DAB1: variants seen among roughly 807,000 people sequenced by gnomAD.
The protein encoded by DAB1 is disabled homolog 1.
In DAB1, 15 loss-of-function variants were observed where a neutral mutation model predicts 64.6. The observed-to-expected ratio is 0.23, with a 90% CI of 0.16 to 0.36. The LOEUF (loss-of-function observed/expected upper bound fraction) is 0.36, where lower values mean the gene tolerates loss of function less well. Among genes scored for constraint, DAB1 ranks in the 10% least tolerant of loss-of-function variants. The pLI is 1.00. For synonymous variants in DAB1, 235 were observed against 251.9 expected, an observed-to-expected ratio of 0.93 and a Z score of 0.64; for missense variants, 596 against 706.7, an observed-to-expected ratio of 0.84 and a Z score of 1.78.
intron 3 of DAB1, among the ~76,000 whole-genome samples, chr1:57,144,833 A>G (rs1213886398): frequency 6.6e-6 from 1 of 152,184 alleles, no homozygotes; most frequent in African/African-American, 2.4e-5. Flanking sequence ...CTTTAAGGAT[A>G]TTATCTTAAA....
chr1:58,446,698 C>A (rs1437975466), intron 3 of DAB1, among the ~76,000 whole-genome samples: 1 of 152,204 alleles, frequency 6.6e-6, no homozygotes, highest in African/African-American at 2.4e-5. Context: ...GCTGTCAACT[C>A]CATTTCCTTT....
At chr1:58,356,111 A>G (rs1317579360) in intron 3 of DAB1, among the ~76,000 whole-genome samples, 3 of 152,158 alleles carry the variant, frequency 2.0e-5, no homozygotes, top group East Asian at 3.9e-4. Flanking sequence ...ATGAGAGAGA[A>G]CCAGGATGAT....
chr1:58,059,439 C>G (rs960682292), intron 5 of DAB1, among the ~76,000 whole-genome samples: 70 of 152,246 alleles, frequency 4.6e-4, no homozygotes, highest in African/African-American at 1.7e-3. Context: ...CACACAGTAA[C>G]AACTCAATAA....
In DAB1 at chr1:57,877,724, C is replaced by A. The variant is rs7529119; in HGVS notation, n.87+6275G>T. On this transcript the variant is annotated intron_variant and non_coding_transcript_variant, in intron 1 of 1. Coordinates refer to the DAB1 transcript ENST00000477280. The stretch of plus-strand genomic sequence containing the variant: ...TACAGGCGCCCACCACCGCGCCCGG[C>A]TAATTTTTTTTTTGTATTTTTAGTA... 2.4e-5 allele frequency among the ~76,000 whole-genome samples: 2 copies of A among 82,290 alleles called. 1 individual carries two copies. The highest frequency in any genetic ancestry group is 6.6e-4 in the East Asian group (2 of 3,044). The allele number at this position is 82,290 out of a possible 152,430, so 54.0% of individuals were successfully genotyped here.
chr1:58,434,283 G>A lies in DAB1; in HGVS notation n.257+71777C>T, dbSNP rs368810919. On this transcript the variant is annotated intron_variant and non_coding_transcript_variant, in intron 3 of 20. Transcript: ENST00000485760. ...TCCAAGCAAGAATAGCAAGGATGAT[G>A]CCTGAGACTACAGTAATAGTAGAGA... Among the ~76,000 whole-genome samples, 22 of 152,140 alleles carry A rather than the reference G, an allele frequency of 1.4e-4. 1 individual carries two copies. Among genetic ancestry groups the A allele is most frequent in the East Asian group, 7.7e-4 (4 of 5,188 alleles).
intron 6 of DAB1, among the ~76,000 whole-genome samples, chr1:57,757,302 G>A (rs774112270): frequency 2.0e-5 from 3 of 148,508 alleles, no homozygotes; most frequent in Non-Finnish European, 4.4e-5. Flanking sequence ...ACTTATTAAC[G>A]GTGTGACTTT....
chr1:58,032,256 G>C (rs1312953699), intron 5 of DAB1, among the ~76,000 whole-genome samples: 2 of 152,056 alleles, frequency 1.3e-5, no homozygotes, highest in Non-Finnish European at 2.9e-5. Context: ...CCATAATTAG[G>C]ATTTCTTAAG....
chr1:57,472,975 T>C (rs1475249107), intron 7 of DAB1, among the ~76,000 whole-genome samples: 3 of 152,210 alleles, frequency 2.0e-5, no homozygotes, highest in African/African-American at 7.2e-5. Flanking sequence ...TCCTATTTAG[T>C]GCATGGAGTA....
chr1:57,711,819 G>A (rs1359046149), intron 6 of DAB1, among the ~76,000 whole-genome samples: 1 of 152,162 alleles, frequency 6.6e-6, no homozygotes, highest in East Asian at 1.9e-4. Context: ...TTTTTAATAA[G>A]AGGCATGTCT....
intron 5 of DAB1, among the ~76,000 whole-genome samples, chr1:58,076,731 G>T (rs911001372): frequency 6.6e-6 from 1 of 152,100 alleles, no homozygotes; most frequent in African/African-American, 2.4e-5. Flanking sequence ...AAATAAACTC[G>T]AACAAATCTA....
At chr1:57,886,782 A>T (rs1644230021), upstream of DAB1, among the ~76,000 whole-genome samples, 1 of 152,154 alleles carries the variant, frequency 6.6e-6, no homozygotes. Context: ...CTTGGTCCTG[A>T]TCCTACCAGC....
At chr1:57,582,134 A>G (rs1029949364) in intron 7 of DAB1, among the ~76,000 whole-genome samples, 1 of 152,040 alleles carries the variant, frequency 6.6e-6, no homozygotes, top group African/African-American at 2.4e-5. Flanking sequence ...AAAGCTATTC[A>G]CCTCCTGTAT....
intron 6 of DAB1, among the ~76,000 whole-genome samples, chr1:57,796,170 T>A (rs1314449753): frequency 1.3e-5 from 2 of 152,276 alleles, no homozygotes; most frequent in South Asian, 4.1e-4. Context: ...CAATTCACTT[T>A]AGTTTCATTC....
intron 1 of DAB1, among the ~76,000 whole-genome samples, chr1:58,540,705 A>C (rs1646593146): frequency 6.8e-6 from 1 of 146,342 alleles, no homozygotes; most frequent in Admixed American, 7.3e-5. Flanking sequence ...ACAGAGAAAA[A>C]ATACAATAAT....
intron 5 of DAB1, among the ~76,000 whole-genome samples, chr1:57,977,270 G>T (rs1044962055): frequency 1.3e-5 from 2 of 152,158 alleles, no homozygotes; most frequent in African/African-American, 4.8e-5. Context: ...TAATAGCATA[G>T]TTCCAGAAAG....
At chr1:58,118,040 A>T (rs1652455145) in intron 5 of DAB1, among the ~76,000 whole-genome samples, 1 of 151,784 alleles carries the variant, frequency 6.6e-6, no homozygotes, top group African/African-American at 2.4e-5. Context: ...AGTAGCTGGG[A>T]TCACAGACAT....
At chr1:58,506,507 C>T (rs532183544) in intron 2 of DAB1, among the ~76,000 whole-genome samples, 33 of 152,108 alleles carry the variant, frequency 2.2e-4, no homozygotes, top group African/African-American at 8.0e-4. Flanking sequence ...AGAAAAAGAC[C>T]CACCTCAAAC....
intron 9 of DAB1, among the ~76,000 whole-genome samples, chr1:57,030,226 C>T (rs1646925182): frequency 6.6e-6 from 1 of 152,180 alleles, no homozygotes; most frequent in African/African-American, 2.4e-5. Context: ...TTGCTGCTGC[C>T]ATGCGAGAAG....
chr1:57,157,971 G>GGA (rs1660397832), intron 2 of DAB1, among the ~76,000 whole-genome samples: 1 of 152,318 alleles, frequency 6.6e-6, no homozygotes, highest in East Asian at 1.9e-4. Flanking sequence ...ACGCTGCTAA[G>GGA]GAGGGCGTAG....
Sources: gnomAD v4.1 joint callset for allele counts (sites outside exome capture counted in the v4.1 genomes callset) on GRCh38, gnomAD v4.1.1 for gene constraint, MANE v1.5 for transcripts, NCBI Gene and HGNC (gene_info 2026-07-23, HGNC 2026-07-21) for gene names.